The following TRPC4 variants were observed in gnomAD, a reference collection of about 807,000 sequenced individuals.
TRPC4 encodes the protein short transient receptor potential channel 4.
A neutral mutation model predicts 99.4 loss-of-function variants in TRPC4; 49 were observed. That is an observed-to-expected ratio of 0.49 (90% CI 0.39 to 0.63). TRPC4 has a LOEUF of 0.63. TRPC4 is among the 20% of genes least tolerant of loss of function. The pLI is 0.00. For synonymous variants in TRPC4, 454 were observed against 425.9 expected (o/e 1.07, Z -0.81); for missense variants, 898 against 1,152.9 (o/e 0.78, Z 3.20).
At chr13:37,697,498 G>T (rs1199840667) in intron 3 of TRPC4, among the ~76,000 whole-genome samples, 2 of 152,228 alleles carry the variant, frequency 1.3e-5, no homozygotes, top group Non-Finnish European at 2.9e-5. Flanking sequence ...AAAACACAGG[G>T]ATAGAGATAA....
intron 2 of TRPC4, among the ~76,000 whole-genome samples, chr13:37,747,522 T>C (rs749629098): frequency 4.6e-5 from 7 of 151,774 alleles, no homozygotes; most frequent in Non-Finnish European, 8.8e-5. Flanking sequence ...CAAAAAAAAA[T>C]GATGACTCAC....
rs1312085830 is a variant in TRPC4 at position 37,712,810 on chromosome 13, G to T, written c.898-20475C>A. 3.9e-5 allele frequency among the ~76,000 whole-genome samples: 6 copies of T among 152,148 alleles called. No homozygotes were observed. In the East Asian group the frequency reaches 1.2e-3, roughly 29 times the overall value. The stretch of plus-strand genomic sequence containing the variant: ...GGCCAAAGATACAACCTGCATATTA[G>T]CAAATATCTCATGTGCCTGAGATCT... On this transcript the variant is annotated intron_variant, in intron 3 of 10. Transcript: ENST00000379705.
intron 2 of TRPC4, among the ~76,000 whole-genome samples, 192 bp downstream of exon 2, chr13:37,782,764 G>A (rs1365917138): frequency 6.6e-6 from 1 of 151,532 alleles, no homozygotes; most frequent in Non-Finnish European, 1.5e-5. Context: ...AATGCAAGTG[G>A]ACGTAACTAT....
chr13:37,753,101 AT>A (rs139063184), intron 2 of TRPC4, among the ~76,000 whole-genome samples: 2 of 152,048 alleles, frequency 1.3e-5, no homozygotes, highest in South Asian at 4.1e-4. Flanking sequence ...TAATTTAGAG[AT>A]TTTTTTAATC....
intron 3 of TRPC4, among the ~76,000 whole-genome samples, chr13:37,722,790 A>G (rs1480109033): frequency 1.3e-5 from 2 of 152,192 alleles, no homozygotes; most frequent in Non-Finnish European, 2.9e-5. Flanking sequence ...GTAAATAAAC[A>G]CTTACTATTA....
chr13:37,766,614 G>C (rs548387306), intron 2 of TRPC4, among the ~76,000 whole-genome samples: 1 of 151,556 alleles, frequency 6.6e-6, no homozygotes, highest in Non-Finnish European at 1.5e-5. Context: ...AGCAAAGTCA[G>C]AGATACATGT....
chr13:37,682,175 T>C (rs1035058518), intron 4 of TRPC4, among the ~76,000 whole-genome samples: 4 of 152,140 alleles, frequency 2.6e-5, no homozygotes, highest in Non-Finnish European at 5.9e-5. Context: ...AAAAAGCAAG[T>C]CACCTTTTCA....
chr13:37,842,594 G>A (rs1447324727), intron 1 of TRPC4, among the ~76,000 whole-genome samples: 1 of 152,028 alleles, frequency 6.6e-6, no homozygotes, highest in East Asian at 1.9e-4. Flanking sequence ...GTCTGGTGAG[G>A]CCCAACTTTC....
At chr13:37,713,764 A>T (rs1176346102) in intron 3 of TRPC4, among the ~76,000 whole-genome samples, 1 of 152,142 alleles carries the variant, frequency 6.6e-6, no homozygotes, top group Non-Finnish European at 1.5e-5. Context: ...TTTATTCTAG[A>T]GGGTCAAGTA....
chr13:37,787,422 T>C (rs1436665844), intron 1 of TRPC4, among the ~76,000 whole-genome samples: 1 of 152,116 alleles, frequency 6.6e-6, no homozygotes, highest in African/African-American at 2.4e-5. Context: ...TTCTTGATAT[T>C]GTTCTAATAT....
At chr13:37,819,975 A>G (rs1188934744) in intron 1 of TRPC4, among the ~76,000 whole-genome samples, 2 of 151,996 alleles carry the variant, frequency 1.3e-5, no homozygotes, top group African/African-American at 4.8e-5. Context: ...ATTGAGATGT[A>G]AAAAACCACA....
In TRPC4 at chr13:37,636,198, C is replaced by T. The variant is rs758966456; in HGVS notation, c.*705G>A. ...AATCTGAAATAGGTAATTAAAAAAA[C>T]TGGAGGGGCGAGTTTTTTTCCTGAC... is the stretch of plus-strand genomic sequence containing the variant. On this transcript the variant is annotated 3_prime_UTR_variant, in exon 11 of 11. Transcript: ENST00000379705. Among the ~76,000 whole-genome samples, 4 of 151,778 alleles carry T rather than the reference C, an allele frequency of 2.6e-5. No homozygotes were observed. The highest frequency in any genetic ancestry group is 4.4e-5 in the Non-Finnish European group (3 of 67,930).
At chr13:37,747,892 T>C (rs1348407504) in intron 2 of TRPC4, among the ~76,000 whole-genome samples, 1 of 152,152 alleles carries the variant, frequency 6.6e-6, no homozygotes, top group Non-Finnish European at 1.5e-5. Flanking sequence ...TTGTGCACTT[T>C]GAGGCCACTG....
intron 2 of TRPC4, among the ~76,000 whole-genome samples, chr13:37,753,146 C>A (rs1400787749): frequency 6.6e-6 from 1 of 151,864 alleles, no homozygotes; most frequent in African/African-American, 2.4e-5. Flanking sequence ...TATATTTACA[C>A]TGGTTGGAAC....
chr13:37,663,373 A>C (rs759596304), intron 6 of TRPC4, 43 bp downstream of exon 6: 2 of 1,555,152 alleles, frequency 1.3e-6, no homozygotes, highest in Non-Finnish European at 1.7e-6. Flanking sequence ...GTGCACTCTA[A>C]ATGCTGTACA....
intron 2 of TRPC4, among the ~76,000 whole-genome samples, chr13:37,752,074 A>AATATATATATATATATATATATATAT (rs1955944791): frequency 1.1e-4 from 1 of 9,080 alleles, no homozygotes; most frequent in Non-Finnish European, 4.6e-4. Flanking sequence ...AAAGCAGAAA[A>AATATATATATATATATATATATATAT]CTATATATAT....
chr13:37,805,872 G>A (rs755666615), intron 1 of TRPC4, among the ~76,000 whole-genome samples: 2 of 151,842 alleles, frequency 1.3e-5, no homozygotes, highest in African/African-American at 2.4e-5. Context: ...GTCTTTACTT[G>A]TGAAAAATTC....
chr13:37,706,627 C>G (rs1237700939), intron 3 of TRPC4, among the ~76,000 whole-genome samples: 8 of 151,394 alleles, frequency 5.3e-5, no homozygotes, highest in African/African-American at 7.3e-5. Flanking sequence ...ACCCCTCCCC[C>G]CTACCCCCAC....
intron 1 of TRPC4, among the ~76,000 whole-genome samples, chr13:37,859,888 A>T (rs551372560): frequency 4.0e-5 from 6 of 151,318 alleles, no homozygotes; most frequent in Non-Finnish European, 7.4e-5. Context: ...ATAAAAAATC[A>T]TCTATCCAGC....
Sources: allele counts gnomAD v4.1 joint callset (sites outside exome capture counted in the v4.1 genomes callset), GRCh38; gene constraint gnomAD v4.1.1; transcripts MANE v1.5; gene names NCBI Gene and HGNC (gene_info 2026-07-23, HGNC 2026-07-21).